Variants in RFX3 observed in about 807,000 individuals in gnomAD.
RFX3 encodes transcription factor RFX3.
In RFX3, 14 loss-of-function variants were observed where a neutral mutation model predicts 98.6. The observed-to-expected ratio is 0.14, with a 90% CI of 0.09 to 0.22. The LOEUF is 0.22. Among genes scored for constraint, RFX3 ranks in the 10% least tolerant of loss-of-function variants. RFX3 has a pLI of 1.00. For synonymous variants in RFX3, 383 were observed against 328.4 expected (o/e 1.17, Z -1.80); for missense variants, 639 against 926.9 (o/e 0.69, Z 4.03).
chr9:3,443,140 C>G (rs184065020), intron 1 of RFX3, among the ~76,000 whole-genome samples: 1 of 152,238 alleles, frequency 6.6e-6, no homozygotes, highest in East Asian at 1.9e-4. Flanking sequence ...TAAGAAGGTA[C>G]AAATTAATAC....
chr9:3,310,938 G>C (rs1829882566), intron 4 of RFX3, among the ~76,000 whole-genome samples: 1 of 151,980 alleles, frequency 6.6e-6, no homozygotes, highest in African/African-American at 2.4e-5. Flanking sequence ...TTTCTAACTG[G>C]AAAAATTTAA....
chr9:3,257,088 G>T lies in RFX3; in HGVS notation c.1717C>A (p.Leu573Ile), dbSNP rs747374455. Reference protein sequence around the residue: ...QSTLEQWAAWLDNVMMQALKP... With the variant: ...QSTLEQWAAWIDNVMMQALKP... ...AGTGCTTGCATCATCACATTGTCAA[G>T]CCACGCAGCCCACTGCTCCAGGGTG... The change falls in exon 14 of 17, where the codon CTT becomes ATT. Residue 573 changes from leucine (L) to isoleucine (I), a missense_variant. By Grantham distance (5) the Leu-to-Ile change is conservative. This residue lies in a region of RFX3 where 138 missense variants were observed against 308.9 expected (regional missense o/e 0.45). Transcript: ENST00000617270. 3 of 1,614,002 alleles carry T rather than the reference G, an allele frequency of 1.9e-6. No individual in the cohort carries two copies. Among genetic ancestry groups the T allele is most frequent in the Admixed American group, 3.3e-5 (2 of 59,996 alleles).
intron 15 of RFX3, among the ~76,000 whole-genome samples, chr9:3,245,029 T>C (rs1008475251): frequency 6.6e-6 from 1 of 152,210 alleles, no homozygotes. Context: ...CTAATAGCCA[T>C]GACAGAGCTA....
chr9:3,404,785 C>G (rs1018223774), intron 1 of RFX3, among the ~76,000 whole-genome samples: 1 of 152,104 alleles, frequency 6.6e-6, no homozygotes, highest in African/African-American at 2.4e-5. Context: ...TCGATGGAGA[C>G]TAAAATGGGG....
intron 3 of RFX3, among the ~76,000 whole-genome samples, chr9:3,341,250 G>C (rs976339745): frequency 5.9e-5 from 9 of 151,630 alleles, no homozygotes; most frequent in African/African-American, 2.2e-4. Context: ...TCTGGGGACT[G>C]TTGTGGGGTT....
intron 7 of RFX3, among the ~76,000 whole-genome samples, chr9:3,287,354 G>C (rs1213233451): frequency 2.0e-5 from 3 of 151,738 alleles, no homozygotes; most frequent in African/African-American, 7.3e-5. Context: ...CTTCTGTCTT[G>C]GTTGAGCTAT....
intron 1 of RFX3, among the ~76,000 whole-genome samples, chr9:3,427,872 C>G (rs905206523): frequency 6.6e-6 from 1 of 152,062 alleles, no homozygotes; most frequent in South Asian, 2.1e-4. Flanking sequence ...TTCTGTGCAG[C>G]CTTCACCCTT....
chr9:3,373,130 G>T (rs1838049614), intron 2 of RFX3, among the ~76,000 whole-genome samples: 1 of 152,032 alleles, frequency 6.6e-6, no homozygotes, highest in African/African-American at 2.4e-5. Flanking sequence ...AGTAGGTATG[G>T]GGGAAGACTA....
chr9:3,446,250 G>A (rs1846039401), intron 1 of RFX3, among the ~76,000 whole-genome samples: 1 of 151,994 alleles, frequency 6.6e-6, no homozygotes, highest in African/African-American at 2.4e-5. Flanking sequence ...TATACAAGTT[G>A]CCATAACTAT....
intron 1 of RFX3, among the ~76,000 whole-genome samples, chr9:3,466,858 C>G (rs1187466800): frequency 1.3e-5 from 2 of 151,612 alleles, no homozygotes; most frequent in Non-Finnish European, 2.9e-5. Context: ...TTACTACCAT[C>G]CTTGGATCTT....
At chr9:3,382,128 G>A (rs1839257328) in intron 2 of RFX3, among the ~76,000 whole-genome samples, 1 of 152,118 alleles carries the variant, frequency 6.6e-6, no homozygotes, top group African/African-American at 2.4e-5. Context: ...AAACTCCTGG[G>A]CTTCAGTGAT....
chr9:3,518,628 G>C (rs1818410197), intron 1 of RFX3, among the ~76,000 whole-genome samples: 1 of 152,132 alleles, frequency 6.6e-6, no homozygotes, highest in South Asian at 2.1e-4. Context: ...ATTTCATTCT[G>C]ATGAAAATGT....
chr9:3,247,031 A>G (rs1316122641), intron 15 of RFX3: 1 of 963,896 alleles, frequency 1.0e-6, no homozygotes. Flanking sequence ...AAAGCATTGA[A>G]TAATATCTGT....
rs191985369 is a variant in RFX3 at position 3,377,144 on chromosome 9, C to A, written c.117+18328G>T. Among the ~76,000 whole-genome samples, 1,441 of 152,272 alleles carry A rather than the reference C, an allele frequency of 9.5e-3. 24 individuals carry two copies. Among genetic ancestry groups the A allele is most frequent in the African/African-American group, 0.033 (1,371 of 41,542 alleles). ...ATGCTGCTATAAAGACACATGCACA[C>A]GTATGTTTATTGCAGCACTATTCAC... is the stretch of plus-strand genomic sequence containing the variant. On this transcript the variant is annotated intron_variant, in intron 2 of 16. Transcript: ENST00000617270.
intron 1 of RFX3, among the ~76,000 whole-genome samples, chr9:3,406,307 T>G (rs1370723048): frequency 6.6e-6 from 1 of 151,586 alleles, no homozygotes; most frequent in Non-Finnish European, 1.5e-5. Flanking sequence ...CTTGAAACAA[T>G]TTTTCCTTCT....
chr9:3,520,706 T>C lies in RFX3; in HGVS notation c.-9+5041A>G, dbSNP rs562920262. On this transcript the variant is annotated intron_variant, in intron 1 of 16. Transcript: ENST00000617270. Reference sequence around the variant, plus strand: ...TTTTTGGTGTTTTGAGACAGGGTCTTGCTCTGTCACCCAGGCTAAAGTGCA... The same window carrying C: ...TTTTTGGTGTTTTGAGACAGGGTCTCGCTCTGTCACCCAGGCTAAAGTGCA... Among the ~76,000 whole-genome samples the C allele has an allele frequency of 7.9e-5, 12 of 152,324 alleles. No individual in the cohort carries two copies. In the South Asian group the frequency reaches 2.5e-3, roughly 32 times the overall value.
intron 5 of RFX3, among the ~76,000 whole-genome samples, chr9:3,297,623 C>T (rs1828149592): frequency 6.6e-6 from 1 of 151,930 alleles, no homozygotes; most frequent in East Asian, 1.9e-4. Context: ...TAACGATATG[C>T]ATTTTGACAG....
intron 1 of RFX3, among the ~76,000 whole-genome samples, chr9:3,516,102 G>T (rs533915779): frequency 2.0e-5 from 3 of 151,968 alleles, no homozygotes; most frequent in Non-Finnish European, 2.9e-5. Context: ...AGACTGGAGC[G>T]CACTGGCGTG....
intron 2 of RFX3, among the ~76,000 whole-genome samples, chr9:3,370,981 T>G (rs1837779676): frequency 6.6e-6 from 1 of 152,120 alleles, no homozygotes; most frequent in African/African-American, 2.4e-5. Flanking sequence ...CAAAGACTCT[T>G]GAAATTACTG....
Sources: allele counts gnomAD v4.1 joint callset (sites outside exome capture counted in the v4.1 genomes callset), GRCh38; gene constraint gnomAD v4.1.1; regional missense constraint gnomAD v4.1.1; transcripts MANE v1.5; gene names NCBI Gene and HGNC (gene_info 2026-07-23, HGNC 2026-07-21).